RACGAP1: variants seen among roughly 807,000 people sequenced by gnomAD.
The protein encoded by RACGAP1 is Rac GTPase activating protein 1.
A neutral mutation model predicts 78.1 loss-of-function variants in RACGAP1; 30 were observed. The observed-to-expected ratio is 0.38, with a 90% confidence interval of 0.29 to 0.52. The LOEUF (loss-of-function observed/expected upper bound fraction) is 0.52. Among genes scored for constraint, RACGAP1 ranks in the 20% least tolerant of loss-of-function variants. The pLI, the probability that RACGAP1 is intolerant of heterozygous loss-of-function variation, is 0.82. For missense variants in RACGAP1, 587 were observed against 777.1 expected, an observed-to-expected ratio of 0.76 and a Z score of 2.91; for synonymous variants, 231 against 264.8, an observed-to-expected ratio of 0.87 and a Z score of 1.24.
intron 9 of RACGAP1, among the ~76,000 whole-genome samples, chr12:49,998,352 C>A (rs11169244): frequency 2.0e-5 from 3 of 150,714 alleles, no homozygotes; most frequent in Middle Eastern, 3.5e-3. Flanking sequence ...TGCAGTGAGC[C>A]GAAATCGCAC....
chr12:50,030,007 A>G (rs1411386104), upstream of RACGAP1, among the ~76,000 whole-genome samples: 1 of 152,186 alleles, frequency 6.6e-6, no homozygotes, highest in East Asian at 1.9e-4. Context: ...GCTGTGGCTC[A>G]TGCCTGTAAT....
intron 1 of RACGAP1, among the ~76,000 whole-genome samples, chr12:50,023,627 G>A (rs550884786): frequency 2.6e-4 from 39 of 152,118 alleles, no homozygotes; most frequent in Non-Finnish European, 4.0e-4. Flanking sequence ...CAGCTACTCC[G>A]GAGGCTGAGG....
rs1418672207 is a variant in RACGAP1 at position 49,999,670 on chromosome 12, C to T, written c.694G>A (p.Ala232Thr). 6.2e-7 allele frequency: 1 copy of T among 1,614,212 alleles called. No homozygotes were observed. The change falls in exon 8 of 17, where the codon GCT (alanine) becomes ACT (threonine). Residue 232 changes from alanine (A) to threonine (T), a missense_variant. By Grantham distance (58) the Ala-to-Thr change is moderately conservative. Transcript: ENST00000312377. ...TVPNDGGPIE[A>T]VSTIETVPYW... ...GGCACAGTCTCAATAGTGGACACAGCTTCGATGGGCCCGCCATCATTGGGA... is the reference window on the plus strand; with the variant it reads ...GGCACAGTCTCAATAGTGGACACAGTTTCGATGGGCCCGCCATCATTGGGA...
chr12:49,999,490 G>C (rs893256023), intron 8 of RACGAP1, 126 bp downstream of exon 8: 32 of 965,432 alleles, frequency 3.3e-5, no homozygotes, highest in Non-Finnish European at 5.1e-5. Context: ...TCTGGTCCTC[G>C]GTATGCAGCA....
intron 5 of RACGAP1, 58 bp from the exon 6 acceptor site, chr12:50,002,358 G>T: frequency 6.9e-7 from 1 of 1,445,004 alleles, no homozygotes; most frequent in Non-Finnish European, 9.6e-7. Flanking sequence ...CCTAAACCCT[G>T]TGCAAATAAA....
chr12:50,000,536 G>C (rs1197043976), intron 7 of RACGAP1, among the ~76,000 whole-genome samples: 2 of 152,110 alleles, frequency 1.3e-5, no homozygotes, highest in Non-Finnish European at 2.9e-5. Context: ...GGGAGGCCAA[G>C]GTGGGAAGAT....
chr12:49,996,566 G>C (rs1948277110), intron 10 of RACGAP1, among the ~76,000 whole-genome samples: 1 of 144,432 alleles, frequency 6.9e-6, no homozygotes, highest in African/African-American at 2.6e-5. Flanking sequence ...CTTGAGCCCA[G>C]GGGGGCGGAG....
At chr12:50,006,401 C>T in intron 3 of RACGAP1, 33 bp downstream of exon 3, 3 of 1,609,924 alleles carry the variant, frequency 1.9e-6, no homozygotes, top group Non-Finnish European at 2.6e-6. Context: ...CCTCCTGCAT[C>T]ATCACTGTTC....
At chr12:50,008,584 C>A (rs2137483356) in intron 2 of RACGAP1, among the ~76,000 whole-genome samples, 1 of 152,174 alleles carries the variant, frequency 6.6e-6, no homozygotes, top group Middle Eastern at 3.4e-3. Context: ...CCTCCGCCTC[C>A]CAGGTTCAAG....
chr12:49,990,445 T>C (rs2137200293), intron 16 of RACGAP1, 102 bp from the exon 17 acceptor site: 2 of 1,071,822 alleles, frequency 1.9e-6, no homozygotes, highest in East Asian at 5.2e-5. Context: ...TAGGAAACCC[T>C]AGACAACTAT....
chr12:50,004,088 A>T, intron 5 of RACGAP1, 147 bp downstream of exon 5: 1 of 1,287,522 alleles, frequency 7.8e-7, no homozygotes, highest in Non-Finnish European at 1.0e-6. Context: ...ATGTGGATTT[A>T]TATTTTAAAT....
chr12:50,016,792 C>A, intron 1 of RACGAP1, 73 bp from the exon 2 acceptor site: 2 of 1,484,440 alleles, frequency 1.3e-6, no homozygotes, highest in Non-Finnish European at 1.8e-6. Context: ...AGCAATCCAG[C>A]CATTAGTGAC....
intron 2 of RACGAP1, among the ~76,000 whole-genome samples, chr12:50,014,849 C>T (rs1389722551): frequency 6.6e-6 from 1 of 151,796 alleles, no homozygotes; most frequent in Non-Finnish European, 1.5e-5. Flanking sequence ...TCAAGATCAG[C>T]CTGGCCAACA....
intron 6 of RACGAP1, 113 bp from the exon 7 acceptor site, chr12:50,001,365 T>A: frequency 1.4e-6 from 1 of 697,426 alleles, no homozygotes; most frequent in Non-Finnish European, 2.4e-6. Flanking sequence ...AGGGCTACAG[T>A]AAATAACAAA....
At chr12:50,006,963 G>C (rs561893169) in intron 2 of RACGAP1, among the ~76,000 whole-genome samples, 84 of 152,272 alleles carry the variant, frequency 5.5e-4, no homozygotes, top group African/African-American at 1.9e-3. Flanking sequence ...CAATCAAAGG[G>C]GGATACCTTT....
intron 1 of RACGAP1, chr12:50,016,938 A>C: frequency 7.6e-7 from 1 of 1,319,538 alleles, no homozygotes; most frequent in Non-Finnish European, 9.6e-7. Flanking sequence ...ACCATTTCAG[A>C]CCTTTGAATA....
At chr12:50,002,867 CA>C (rs1348901906) in intron 5 of RACGAP1, among the ~76,000 whole-genome samples, 1 of 151,776 alleles carries the variant, frequency 6.6e-6, no homozygotes, top group African/African-American at 2.4e-5. Context: ...TAAAAAAATA[CA>C]AAAAAATTAG....
At chr12:50,013,833 T>C (rs1949495567) in intron 2 of RACGAP1, among the ~76,000 whole-genome samples, 1 of 152,226 alleles carries the variant, frequency 6.6e-6, no homozygotes, top group Non-Finnish European at 1.5e-5. Flanking sequence ...TCAAAAATGC[T>C]AGAAGCCCTG....
At chr12:50,000,838 A>G (rs1948630089) in intron 7 of RACGAP1, among the ~76,000 whole-genome samples, 1 of 152,052 alleles carries the variant, frequency 6.6e-6, no homozygotes, top group African/African-American at 2.4e-5. Context: ...TCACCTGGTC[A>G]GGAGTTCGAG....
Sources: gnomAD v4.1 joint callset for allele counts (sites outside exome capture counted in the v4.1 genomes callset) on GRCh38, gnomAD v4.1.1 for gene constraint, MANE v1.5 for transcripts, NCBI Gene and HGNC (gene_info 2026-07-23, HGNC 2026-07-21) for gene names.